Variants in NBDY observed in about 807,000 individuals in gnomAD.
NBDY encodes the protein negative regulator of P-body association.
chrX:56,755,311 G>A (rs998089499), intron 2 of NBDY, among the ~76,000 whole-genome samples: 13 of 112,284 alleles, frequency 1.2e-4, no homozygotes, highest in Admixed American at 8.4e-4. Flanking sequence ...AAACTAAAGA[G>A]CTTCTGCACA....
rs1305125191 is a variant in NBDY, at chrX:56,818,054, T to G, written c.*901T>G. The G allele has an allele frequency of 1.8e-5, 2 of 111,460 alleles. No homozygotes were observed. Among genetic ancestry groups the G allele is most frequent in the African/African-American group, 6.5e-5 (2 of 30,749 alleles). The allele number at this position is 111,460 out of a possible 1,213,427, so 9.2% of individuals were successfully genotyped here. A position where few individuals can be genotyped will look rare whatever the true frequency, so the allele number is the denominator to read the frequency against. ...TAGCAGCTTTCAATATTTCATATAG[T>G]TCATAAATGTTTCAGGAATTACAAG... On this transcript the variant is annotated 3_prime_UTR_variant, in exon 3 of 3. Transcript: ENST00000374922.
At chrX:56,791,682 G>A (rs1480546809) in intron 2 of NBDY, among the ~76,000 whole-genome samples, 1 of 111,939 alleles carries the variant, frequency 8.9e-6, no homozygotes, top group Non-Finnish European at 1.9e-5. Flanking sequence ...ATGCATTGAC[G>A]TCTTCCTGAA....
intron 2 of NBDY, among the ~76,000 whole-genome samples, chrX:56,758,374 G>A (rs2069622000): frequency 9.1e-6 from 1 of 109,959 alleles, no homozygotes; most frequent in South Asian, 3.9e-4. Flanking sequence ...ACAGGCATCT[G>A]CACATTGTTG....
chrX:56,739,261 T>TATAC (rs1372917184), intron 2 of NBDY, among the ~76,000 whole-genome samples: 1 of 80,241 alleles, frequency 1.2e-5, no homozygotes, highest in African/African-American at 5.3e-5. Context: ...TATATATATA[T>TATAC]ATGTATGTAT....
intron 2 of NBDY, among the ~76,000 whole-genome samples, chrX:56,742,666 C>T (rs945932732): frequency 1.3e-4 from 14 of 111,737 alleles, no homozygotes; most frequent in Non-Finnish European, 1.9e-4. Flanking sequence ...TACTGATTTT[C>T]GTATGTTGAT....
chrX:56,767,567 G>C (rs1020851273), intron 2 of NBDY, among the ~76,000 whole-genome samples: 22 of 113,246 alleles, frequency 1.9e-4, no homozygotes, highest in Non-Finnish European at 3.4e-4. Flanking sequence ...GCATGAGCTC[G>C]GCGGGCCCCG....
At chrX:56,799,171 G>A (rs2069809166) in intron 2 of NBDY, among the ~76,000 whole-genome samples, 1 of 112,352 alleles carries the variant, frequency 8.9e-6, no homozygotes, top group African/African-American at 3.2e-5. Context: ...CTCTTTGTAA[G>A]AATGGACAGG....
rs1002606689 is a variant in NBDY, at chrX:56,781,154, A to G, written c.*167-36166A>G. ...TTTGAACATCAATCACGTCTGAACT[A>G]TATCCTGTCTTCATCTGTGGTTGCA... On this transcript the variant is annotated intron_variant, in intron 2 of 2. Transcript: ENST00000374922. 9.9e-5 allele frequency among the ~76,000 whole-genome samples: 11 copies of G among 111,468 alleles called. No individual in the cohort carries two copies. In the Admixed American group the frequency reaches 1.0e-3, roughly 11 times the overall value.
At position 56,804,014 on chromosome X, in the gene NBDY, C is replaced by T. The variant is rs755879688; in HGVS notation, c.*167-13306C>T. ...GGAGCCTATCCTCAAGAAATCCCAC[C>T]CTTGGGGCTGTGGCATGGTGGGGAT... On this transcript the variant is annotated intron_variant, in intron 2 of 2. Coordinates refer to ENST00000374922, the MANE Select transcript of NBDY (RefSeq NM_001348129.2). Among the ~76,000 whole-genome samples, 8 of 109,673 alleles carry T rather than the reference C, an allele frequency of 7.3e-5. No homozygotes were observed. The East Asian group carries it at 2.0e-3, about 28-fold the overall frequency.
At position 56,818,211 on chromosome X, in the gene NBDY, A is replaced by T. The variant is rs1156384606; in HGVS notation, c.*1058A>T. 1 of 111,735 alleles carries T rather than the reference A, an allele frequency of 8.9e-6. No homozygotes were observed. The highest frequency in any genetic ancestry group is 3.2e-5 in the African/African-American group (1 of 30,920). 9.2% of individuals were successfully genotyped at this position (111,735 alleles called of 1,213,427 possible). On this transcript the variant is annotated 3_prime_UTR_variant, in exon 3 of 3. Transcript: ENST00000374922. ...TATTATATCTGAAAATGTCAGATAA[A>T]CTTGGCTTATAAATTAAAATATAAA... is the stretch of plus-strand genomic sequence containing the variant.
At chrX:56,758,893 G>C in intron 2 of NBDY, among the ~76,000 whole-genome samples, 1 of 111,496 alleles carries the variant, frequency 9.0e-6, no homozygotes, top group Non-Finnish European at 1.9e-5. Flanking sequence ...GCCCCTTTAG[G>C]GTCTCCAGGC....
At chrX:56,803,691 A>G (rs940630120) in intron 2 of NBDY, among the ~76,000 whole-genome samples, 1 of 112,196 alleles carries the variant, frequency 8.9e-6, no homozygotes, top group African/African-American at 3.2e-5. Flanking sequence ...TCAGAAGGCA[A>G]GTATCCCTGC....
chrX:56,737,758 A>T (rs1474170649), intron 2 of NBDY, among the ~76,000 whole-genome samples: 1 of 111,970 alleles, frequency 8.9e-6, no homozygotes, highest in Non-Finnish European at 1.9e-5. Flanking sequence ...TTGTGTTTTT[A>T]AAATTTTTAT....
chrX:56,737,369 G>A, intron 2 of NBDY: 1 of 687,575 alleles, frequency 1.5e-6, no homozygotes, highest in Non-Finnish European at 2.4e-6. Flanking sequence ...ATGCTTCATG[G>A]TCAGGTCCAA....
intron 2 of NBDY, among the ~76,000 whole-genome samples, chrX:56,782,691 A>T (rs1020599337): frequency 1.8e-5 from 2 of 111,759 alleles, no homozygotes; most frequent in African/African-American, 6.6e-5. Flanking sequence ...AGCCATTAGG[A>T]AGTTTGGCAA....
At chrX:56,737,555 G>C in intron 2 of NBDY, 1 of 821,145 alleles carries the variant, frequency 1.2e-6, no homozygotes, top group South Asian at 2.3e-5. Context: ...GCCTGATGCT[G>C]AAATGGCCTG....
At position 56,761,133 on chromosome X, in the gene NBDY, T is replaced by G. The variant is rs373922452; in HGVS notation, c.*166+28934T>G. ...GTCAGAGGTCTCCGTTTTTAACGTT[T>G]AACTCCCATCACATCTCAACTTTTT... On this transcript the variant is annotated intron_variant, in intron 2 of 2. Coordinates refer to ENST00000374922, the MANE Select transcript of NBDY (RefSeq NM_001348129.2). 7.1e-5 allele frequency among the ~76,000 whole-genome samples: 8 copies of G among 112,257 alleles called. No homozygotes were observed. In the East Asian group the frequency reaches 1.7e-3, roughly 24 times the overall value.
At chrX:56,748,495 C>A (rs2069567147) in intron 2 of NBDY, among the ~76,000 whole-genome samples, 1 of 107,735 alleles carries the variant, frequency 9.3e-6, no homozygotes, top group African/African-American at 3.4e-5. Flanking sequence ...ATAGATAAAA[C>A]CAGGAGAGTA....
At chrX:56,794,200 C>A in intron 2 of NBDY, among the ~76,000 whole-genome samples, 1 of 111,763 alleles carries the variant, frequency 8.9e-6, no homozygotes, top group South Asian at 3.8e-4. Context: ...GAAACCCTGG[C>A]TCAGGCAGAG....
Sources: allele counts gnomAD v4.1 joint callset (sites outside exome capture counted in the v4.1 genomes callset), GRCh38; gene constraint gnomAD v4.1.1; transcripts MANE v1.5; gene names NCBI Gene and HGNC (gene_info 2026-07-23, HGNC 2026-07-21).